PPP1R27: variants seen among roughly 807,000 people sequenced by gnomAD.
PPP1R27 encodes protein phosphatase 1 regulatory subunit 27.
A neutral mutation model predicts 12.0 loss-of-function variants in PPP1R27; 10 were observed. That is an observed-to-expected ratio of 0.84 (90% CI 0.52 to 1.42). The LOEUF (loss-of-function observed/expected upper bound fraction) is 1.42, where lower values mean the gene tolerates loss of function less well. Ranked by LOEUF, PPP1R27 falls within the 40% of genes most tolerant of loss-of-function variation. PPP1R27 has a pLI of 0.00. For synonymous variants in PPP1R27, 98 were observed against 89.3 expected (o/e 1.10, Z -0.55); for missense variants, 246 against 215.3 (o/e 1.14, Z -0.89).
intron 2 of PPP1R27, 158 bp from the exon 3 acceptor site, chr17:81,834,010 T>C (rs1470236281): frequency 2.8e-5 from 21 of 762,218 alleles, no homozygotes; most frequent in Non-Finnish European, 4.1e-5. Context: ...CCTGACCCTT[T>C]GGAAGCTGTG....
At position 81,833,734 on chromosome 17, in the gene PPP1R27, C is replaced by T. The variant is rs373493428; in HGVS notation, c.460G>A (p.Asp154Asn). 64 of 1,549,552 alleles carry T rather than the reference C, an allele frequency of 4.1e-5. 1 individual carries two copies. The South Asian group carries it at 5.6e-4, about 14-fold the overall frequency. Residue 154 changes from aspartate (D) to asparagine (N), a missense_variant, in exon 3 of 3, where the codon GAC (aspartate) becomes AAC (asparagine). By Grantham distance (23) the Asp-to-Asn change is conservative. Coordinates refer to ENST00000330261, the MANE Select transcript of PPP1R27 (RefSeq NM_001007533.4). The stretch of plus-strand genomic sequence containing the variant: ...GGCGGGCGGGCAAAGCTGGCTCAGT[C>T]CATCGTGGTCCCTTTGAAGAGCTCC... ...LVELFKGTTM[D>N] is the part of the protein sequence containing the mutation.
rs767634444 is a variant in PPP1R27 at position 81,834,985 on chromosome 17, G to C, written c.-32C>G. The C allele has an allele frequency of 2.6e-6, 4 of 1,554,722 alleles. No individual in the cohort carries two copies. In the East Asian group the frequency reaches 9.1e-5, roughly 36 times the overall value. On this transcript the variant is annotated 5_prime_UTR_variant, in exon 1 of 3. Transcript: ENST00000330261. Reference sequence around the variant, plus strand: ...CGCTGTGGGGCAGGTTGCCCCTGGGGACCCTACTGCACTGGGGTTAATAAT... The same window carrying C: ...CGCTGTGGGGCAGGTTGCCCCTGGGCACCCTACTGCACTGGGGTTAATAAT...
chr17:81,834,939 A>G lies in PPP1R27; in HGVS notation c.15T>C (p.Thr5=). Residue 5 remains threonine, a synonymous_variant, in exon 1 of 3, where the codon ACT becomes ACC. Coordinates refer to ENST00000330261, the MANE Select transcript of PPP1R27 (RefSeq NM_001007533.4). MPSR[T]ARYARYSPRQ... is the part of the protein sequence containing the mutation. ...GTGGGCTGTAGCGGGCATAGCGGGCAGTTCTGCTAGGCATCTTGGGCGCTG... is the reference window on the plus strand; with the variant it reads ...GTGGGCTGTAGCGGGCATAGCGGGCGGTTCTGCTAGGCATCTTGGGCGCTG... The G allele has an allele frequency of 1.2e-6, 2 of 1,606,306 alleles. No individual in the cohort carries two copies. The highest frequency in any genetic ancestry group is 2.2e-5 in the South Asian group (2 of 90,282).
rs369174976 is a variant in PPP1R27 at position 81,834,883 on chromosome 17, C to T, written c.71G>A (p.Arg24His). 15 of 1,612,862 alleles carry T rather than the reference C, an allele frequency of 9.3e-6. No individual in the cohort carries two copies. The African/African-American group carries it at 1.5e-4, about 16-fold the overall frequency. ...RQRRRRMLADRSVRFPNDVLF... is the reference protein window; with the variant it reads ...RQRRRRMLADHSVRFPNDVLF... ...GACATCATTAGGGAAACGCACGCTG[C>T]GATCAGCCAGCATCCGCCGCCGCCG... Residue 24 changes from arginine to histidine, a missense_variant, in exon 1 of 3, where the codon CGC (arginine) becomes CAC (histidine). Coordinates refer to ENST00000330261, the MANE Select transcript of PPP1R27 (RefSeq NM_001007533.4).
In PPP1R27 at chr17:81,834,832, C is replaced by G. The variant is rs1216600064; in HGVS notation, c.122G>C (p.Gly41Ala). Residue 41 changes from glycine to alanine, a missense_variant, in exon 1 of 3, where the codon GGT becomes GCT. By Grantham distance (60) the Gly-to-Ala change is moderately conservative. Transcript: ENST00000330261. ...DVLFLDHIRQGDLEQVGRFIR... is the reference protein window; with the variant it reads ...DVLFLDHIRQADLEQVGRFIR... Reference sequence around the variant, plus strand: ...GAAGCGCCCCACCTGCTCCAGGTCACCCTGCCGGATGTGGTCCAAGAACAG... The same window carrying G: ...GAAGCGCCCCACCTGCTCCAGGTCAGCCTGCCGGATGTGGTCCAAGAACAG... The G allele has an allele frequency of 6.2e-7, 1 of 1,613,760 alleles. No individual in the cohort carries two copies. The highest frequency in any genetic ancestry group is 8.5e-7 in the Non-Finnish European group (1 of 1,179,972).
At chr17:81,834,097 CTTTTTTTGT>C (rs1405885335) in intron 2 of PPP1R27, 12 of 501,506 alleles carry the variant, frequency 2.4e-5, no homozygotes, top group East Asian at 9.7e-5. Context: ...TTGCAGGGTT[CTTTTTTTGT>C]TTTTTTTGTT....
Position 81,834,973 on chromosome 17 carries a change from G to T in PPP1R27, c.-20C>A. The T allele has an allele frequency of 1.3e-6, 2 of 1,575,652 alleles. No individual in the cohort carries two copies. Among genetic ancestry groups the T allele is most frequent in the Non-Finnish European group, 1.7e-6 (2 of 1,162,686 alleles). The stretch of plus-strand genomic sequence containing the variant: ...AGGCATCTTGGGCGCTGTGGGGCAG[G>T]TTGCCCCTGGGGACCCTACTGCACT... On this transcript the variant is annotated 5_prime_UTR_variant, in exon 1 of 3. Transcript: ENST00000330261.
chr17:81,833,732 G>A lies in PPP1R27; in HGVS notation c.462C>T (p.Asp154=). ...GGGGCGGGCGGGCAAAGCTGGCTCAGTCCATCGTGGTCCCTTTGAAGAGCT... is the reference window on the plus strand; with the variant it reads ...GGGGCGGGCGGGCAAAGCTGGCTCAATCCATCGTGGTCCCTTTGAAGAGCT... The part of the protein sequence containing the change: ...LVELFKGTTM[D] The change falls in exon 3 of 3, where the codon GAC becomes GAT. Residue 154 remains aspartate, a synonymous_variant. Coordinates refer to ENST00000330261, the MANE Select transcript of PPP1R27 (RefSeq NM_001007533.4). 1 of 1,549,406 alleles carries A rather than the reference G, an allele frequency of 6.5e-7. No homozygotes were observed. Among genetic ancestry groups the A allele is most frequent in the Non-Finnish European group, 8.7e-7 (1 of 1,147,016 alleles).
Position 81,833,616 on chromosome 17 carries a change from G to T in PPP1R27, c.*113C>A. The T allele has an allele frequency of 1.7e-6, 2 of 1,157,300 alleles. No homozygotes were observed. The highest frequency in any genetic ancestry group is 2.4e-6 in the Non-Finnish European group (2 of 845,652). 71.7% of individuals were successfully genotyped at this position (1,157,300 alleles called of 1,614,324 possible). ...TAGGAGGGGTGGCGGGGTCGTGGAG[G>T]GACGGGTCCGGCCGCCCCTGGCCCA... On this transcript the variant is annotated 3_prime_UTR_variant, in exon 3 of 3. Transcript: ENST00000330261.
At chr17:81,834,093 G>A (rs2038580095) in intron 2 of PPP1R27, 3 of 510,148 alleles carry the variant, frequency 5.9e-6, no homozygotes, top group African/African-American at 1.9e-5. Flanking sequence ...GGGTTTGCAG[G>A]GTTCTTTTTT....
chr17:81,833,881 G>A, intron 2 of PPP1R27, 29 bp from the exon 3 acceptor site: 2 of 1,589,354 alleles, frequency 1.3e-6, no homozygotes, highest in Non-Finnish European at 1.7e-6. Flanking sequence ...TCTGGCTGAA[G>A]CGGGGAGGAG....
Position 81,833,693 on chromosome 17 carries a change from C to T in PPP1R27, c.*36G>A, listed in dbSNP as rs1472550267. ...GCGACGCGCGGCTTCTCCAGGGAGG[C>T]GGCCCTGGGCGCGGGGGCGGGCGGG... On this transcript the variant is annotated 3_prime_UTR_variant, in exon 3 of 3. Transcript: ENST00000330261. 2 of 1,537,988 alleles carry T rather than the reference C, an allele frequency of 1.3e-6. No homozygotes were observed. The highest frequency in any genetic ancestry group is 8.7e-7 in the Non-Finnish European group (1 of 1,143,666).
In PPP1R27 at chr17:81,834,803, G is replaced by A. The variant is rs747190174; in HGVS notation, c.151C>T (p.Arg51Trp). ...GTGGCCAGGGAGACTTTCCGAGTCC[G>A]GATGAAGCGCCCCACCTGCTCCAGG... Reference protein sequence around the residue: ...GDLEQVGRFIRTRKVSLATIH... With the variant: ...GDLEQVGRFIWTRKVSLATIH... Residue 51 changes from arginine (R) to tryptophan (W), a missense_variant, in exon 1 of 3, where the codon CGG (arginine) becomes TGG (tryptophan). Arg to Trp is a moderately radical substitution (Grantham distance 101). Transcript: ENST00000330261. The A allele has an allele frequency of 6.8e-6, 11 of 1,613,284 alleles. No individual in the cohort carries two copies. Among genetic ancestry groups the A allele is most frequent in the East Asian group, 2.2e-5 (1 of 44,896 alleles).
At chr17:81,834,714 C>G (rs779951951) in intron 1 of PPP1R27, 50 bp downstream of exon 1, 1 of 1,609,784 alleles carries the variant, frequency 6.2e-7, no homozygotes, top group Non-Finnish European at 8.5e-7. Context: ...CCTTGCTGGC[C>G]TCTCCCACCA....
In PPP1R27 at chr17:81,834,813, C is replaced by A. The variant is rs138820775; in HGVS notation, c.141G>T (p.Gly47=). 1.2e-6 allele frequency: 2 copies of A among 1,613,570 alleles called. No homozygotes were observed. Among genetic ancestry groups the A allele is most frequent in the South Asian group, 2.2e-5 (2 of 91,066 alleles). Residue 47 remains glycine, a synonymous_variant, in exon 1 of 3, where the codon GGG becomes GGT. Coordinates refer to ENST00000330261, the MANE Select transcript of PPP1R27 (RefSeq NM_001007533.4). ...HIRQGDLEQV[G]RFIRTRKVSL... Reference sequence around the variant, plus strand: ...AGACTTTCCGAGTCCGGATGAAGCGCCCCACCTGCTCCAGGTCACCCTGCC... The same window carrying A: ...AGACTTTCCGAGTCCGGATGAAGCGACCCACCTGCTCCAGGTCACCCTGCC...
rs150545240 is a variant in PPP1R27, at chr17:81,834,585, C to T, written c.259G>A (p.Gly87Arg). 1.9e-6 allele frequency: 3 copies of T among 1,614,202 alleles called. No homozygotes were observed. Among genetic ancestry groups the T allele is most frequent in the South Asian group, 2.2e-5 (2 of 91,090 alleles). ...TCATCTCGCTGGTGAATGTCAGCCC[C>T]GTATTTGACCAGCAGCTTCACGCAT... ...LECVKLLVKY[G>R]ADIHQRDEAG... The change falls in exon 2 of 3, where the codon GGG becomes AGG. Residue 87 changes from glycine (G) to arginine (R), a missense_variant. Gly to Arg is a moderately radical substitution (Grantham distance 125, BLOSUM62 -2). Coordinates refer to ENST00000330261, the MANE Select transcript of PPP1R27 (RefSeq NM_001007533.4).
At position 81,833,537 on chromosome 17, in the gene PPP1R27, T is replaced by G; in HGVS notation, c.*192A>C. ...CCCCTCACCTGGGAGTCACGTTTAT[T>G]GAAAAAGTAAAAAGTGTCACAGTAA... On this transcript the variant is annotated 3_prime_UTR_variant, in exon 3 of 3. Transcript: ENST00000330261. 1.7e-6 allele frequency: 1 copy of G among 589,324 alleles called. No homozygotes were observed. Among genetic ancestry groups the G allele is most frequent in the South Asian group, 2.1e-5 (1 of 48,084 alleles). The allele number at this position is 589,324 out of a possible 1,614,324, so 36.5% of individuals were successfully genotyped here.
intron 2 of PPP1R27, chr17:81,834,105 GTTTT>G (rs200193620): frequency 2.1e-5 from 10 of 481,034 alleles, no homozygotes; most frequent in Non-Finnish European, 3.7e-5. Flanking sequence ...TTCTTTTTTT[GTTTT>G]TTTTGTTTTT....
At position 81,833,722 on chromosome 17, in the gene PPP1R27, A is replaced by G. The variant is rs1274057035; in HGVS notation, c.*7T>C. 3.2e-6 allele frequency: 5 copies of G among 1,548,008 alleles called. No individual in the cohort carries two copies. In the Admixed American group the frequency reaches 5.9e-5, roughly 18 times the overall value. ...CCTGGGCGCGGGGGCGGGCGGGCAA[A>G]GCTGGCTCAGTCCATCGTGGTCCCT... is the stretch of plus-strand genomic sequence containing the variant. On this transcript the variant is annotated 3_prime_UTR_variant, in exon 3 of 3. Coordinates refer to ENST00000330261, the MANE Select transcript of PPP1R27 (RefSeq NM_001007533.4).
Sources: allele counts gnomAD v4.1 joint callset, GRCh38; gene constraint gnomAD v4.1.1; transcripts MANE v1.5; gene names NCBI Gene and HGNC (gene_info 2026-07-23, HGNC 2026-07-21).